The following ARHGAP26 variants were observed in gnomAD, a reference collection of about 807,000 sequenced individuals.
ARHGAP26 encodes the protein rho GTPase-activating protein 26.
Under a neutral mutation model 104.8 loss-of-function variants are expected in ARHGAP26, and 38 were observed. The observed-to-expected ratio is 0.36, with a 90% CI of 0.28 to 0.48. The LOEUF (loss-of-function observed/expected upper bound fraction) is 0.48. ARHGAP26 is among the 20% of genes least tolerant of loss of function. The probability of loss-of-function intolerance (pLI) is 0.99; values close to 1 mark genes in which losing one functional copy is unlikely to be tolerated. For synonymous variants in ARHGAP26, 341 were observed against 340.0 expected, an observed-to-expected ratio of 1.00 and a Z score of -0.03; for missense variants, 704 against 947.9, an observed-to-expected ratio of 0.74 and a Z score of 3.38.
chr5:143,018,750 TAATATC>T (rs1291671308), intron 12 of ARHGAP26, among the ~76,000 whole-genome samples: 1 of 152,232 alleles, frequency 6.6e-6, no homozygotes, highest in Admixed American at 6.5e-5. Flanking sequence ...AGGCAACTCT[TAATATC>T]TAGTTATATA....
At chr5:142,889,555 T>C (rs1459310971) in intron 5 of ARHGAP26, among the ~76,000 whole-genome samples, 1 of 151,874 alleles carries the variant, frequency 6.6e-6, no homozygotes, top group East Asian at 1.9e-4. Context: ...GAGGCGGAGT[T>C]TGCAGTGAGC....
intron 17 of ARHGAP26, among the ~76,000 whole-genome samples, chr5:143,082,770 A>G (rs1432950521): frequency 6.6e-6 from 1 of 152,234 alleles, no homozygotes; most frequent in Non-Finnish European, 1.5e-5. Flanking sequence ...CTTCTAAAGT[A>G]TTTTATTTCT....
Position 143,120,559 on chromosome 5 carries a change from A to C in ARHGAP26, c.1539-429A>C, listed in dbSNP as rs573964283. On this transcript the variant is annotated intron_variant, in intron 17 of 22. Transcript: ENST00000645722. ...TGTCTATTTAATGCTTATGTTTGCA[A>C]ATGTATTAAAGCCATCAAGAGGTTT... Among the ~76,000 whole-genome samples the C allele has an allele frequency of 1.3e-4, 20 of 152,316 alleles. 1 individual carries two copies. In the South Asian group the frequency reaches 3.7e-3, roughly 28 times the overall value.
intron 18 of ARHGAP26, among the ~76,000 whole-genome samples, chr5:143,130,085 T>C (rs1418626111): frequency 6.6e-6 from 1 of 152,212 alleles, no homozygotes; most frequent in Non-Finnish European, 1.5e-5. Flanking sequence ...TCCGTGTAGC[T>C]GTAGGTGTTG....
At chr5:142,959,188 T>C (rs988506384) in intron 11 of ARHGAP26, among the ~76,000 whole-genome samples, 3 of 152,250 alleles carry the variant, frequency 2.0e-5, no homozygotes, top group Non-Finnish European at 4.4e-5. Context: ...TGCTATTATG[T>C]GGACATTTGT....
chr5:143,133,548 A>G (rs1180425818), intron 18 of ARHGAP26, among the ~76,000 whole-genome samples: 2 of 152,212 alleles, frequency 1.3e-5, no homozygotes, highest in Non-Finnish European at 2.9e-5. Flanking sequence ...GTTGTGAAGT[A>G]ATTGTTAAGA....
At chr5:143,057,374 G>C (rs1785980411) in intron 16 of ARHGAP26, among the ~76,000 whole-genome samples, 1 of 152,164 alleles carries the variant, frequency 6.6e-6, no homozygotes, top group African/African-American at 2.4e-5. Context: ...TGGGTGTGCA[G>C]TTGACTGGCT....
chr5:142,777,159 A>G (rs984975616), intron 1 of ARHGAP26, among the ~76,000 whole-genome samples: 2 of 152,022 alleles, frequency 1.3e-5, no homozygotes, highest in African/African-American at 2.4e-5. Context: ...TATTTTCTCC[A>G]TTTGCCCTCT....
At chr5:142,861,616 T>G (rs1462880078) in intron 1 of ARHGAP26, among the ~76,000 whole-genome samples, 1 of 152,134 alleles carries the variant, frequency 6.6e-6, no homozygotes, top group Non-Finnish European at 1.5e-5. Flanking sequence ...CCTTTCATTT[T>G]TACGCAGAAA....
chr5:142,906,594 AG>A (rs1761141328), intron 8 of ARHGAP26, among the ~76,000 whole-genome samples: 4 of 152,000 alleles, frequency 2.6e-5, no homozygotes, highest in Admixed American at 2.6e-4. Context: ...TTTGTTCAGG[AG>A]GCTATAATTT....
chr5:143,132,194 G>A (rs1158314023), intron 18 of ARHGAP26, among the ~76,000 whole-genome samples: 1 of 152,088 alleles, frequency 6.6e-6, no homozygotes, highest in Non-Finnish European at 1.5e-5. Context: ...CAGCTGGCTG[G>A]CATCATTGGA....
chr5:143,072,393 CACTACTGGAA>C (rs553784782), intron 17 of ARHGAP26, among the ~76,000 whole-genome samples: 53 of 152,250 alleles, frequency 3.5e-4, no homozygotes, highest in African/African-American at 1.2e-3. Context: ...CCAGCAGTCC[CACTACTGGAA>C]ACTATTCCAA....
At position 143,226,199 on chromosome 5, in the gene ARHGAP26, T is replaced by C; in HGVS notation, c.*3753T>C. 5.5e-6 allele frequency: 1 copy of C among 182,844 alleles called. No individual in the cohort carries two copies. Among genetic ancestry groups the C allele is most frequent in the Non-Finnish European group, 1.2e-5 (1 of 85,852 alleles). 11.3% of individuals were successfully genotyped at this position (182,844 alleles called of 1,614,324 possible). On this transcript the variant is annotated 3_prime_UTR_variant, in exon 23 of 23. Coordinates refer to ENST00000645722, the MANE Select transcript of ARHGAP26 (RefSeq NM_001135608.3). Reference sequence around the variant, plus strand: ...AAAATTTCGTAGCTAAAGAATGCCATGGCCGGGTGCAGTGGCTCACGCCTA... The same window carrying C: ...AAAATTTCGTAGCTAAAGAATGCCACGGCCGGGTGCAGTGGCTCACGCCTA...
chr5:143,123,282 G>A (rs530396795), intron 18 of ARHGAP26, among the ~76,000 whole-genome samples: 2 of 152,348 alleles, frequency 1.3e-5, no homozygotes, highest in South Asian at 4.1e-4. Flanking sequence ...TGTCGTCTTT[G>A]TGAGAGCAAT....
At chr5:143,073,942 G>T (rs1051070590) in intron 17 of ARHGAP26, among the ~76,000 whole-genome samples, 1 of 152,158 alleles carries the variant, frequency 6.6e-6, no homozygotes, top group African/African-American at 2.4e-5. Context: ...TTGGTTATTC[G>T]GAAACAGAAT....
chr5:142,814,218 C>G (rs1597739037), intron 1 of ARHGAP26, among the ~76,000 whole-genome samples: 1 of 152,360 alleles, frequency 6.6e-6, no homozygotes, highest in South Asian at 2.1e-4. Flanking sequence ...TCAGACAAGA[C>G]TCAGAACTTT....
intron 17 of ARHGAP26, among the ~76,000 whole-genome samples, chr5:143,106,744 A>T (rs1794081877): frequency 6.6e-6 from 1 of 152,138 alleles, no homozygotes; most frequent in African/African-American, 2.4e-5. Context: ...AAGTGCTGGG[A>T]TTACAGGCAT....
chr5:142,986,234 G>T (rs1285558080), intron 11 of ARHGAP26, among the ~76,000 whole-genome samples: 1 of 152,146 alleles, frequency 6.6e-6, no homozygotes, highest in Admixed American at 6.5e-5. Flanking sequence ...TTGTGGTTTT[G>T]ATTTGCATTT....
At chr5:143,113,525 C>T (rs2150731988) in intron 17 of ARHGAP26, among the ~76,000 whole-genome samples, 1 of 152,246 alleles carries the variant, frequency 6.6e-6, no homozygotes, top group South Asian at 2.1e-4. Context: ...TAAAATTTCT[C>T]CTCCTCTCTC....
Sources: allele counts gnomAD v4.1 joint callset (sites outside exome capture counted in the v4.1 genomes callset), GRCh38; gene constraint gnomAD v4.1.1; transcripts MANE v1.5; gene names NCBI Gene and HGNC (gene_info 2026-07-23, HGNC 2026-07-21).